The following CBR3 variants were observed in gnomAD, a reference collection of about 807,000 sequenced individuals.
CBR3 encodes carbonyl reductase [NADPH] 3.
Under a neutral mutation model 11.6 loss-of-function variants are expected in CBR3, and 14 were observed. The ratio of observed to expected loss-of-function variants is 1.20; its 90% confidence interval spans 0.79 to 1.88. The LOEUF is 1.88. Ranked by LOEUF, CBR3 falls within the 40% of genes most tolerant of loss-of-function variation. The probability of loss-of-function intolerance (pLI) is 0.00; values close to 1 mark genes in which losing one functional copy is unlikely to be tolerated. For synonymous variants in CBR3, 125 were observed against 145.6 expected (o/e 0.86, Z 1.02); for missense variants, 308 against 357.3 (o/e 0.86, Z 1.11).
chr21:36,143,506 T>C (rs2065729531), intron 2 of CBR3, among the ~76,000 whole-genome samples: 1 of 152,278 alleles, frequency 6.6e-6, no homozygotes, highest in Non-Finnish European at 1.5e-5. Context: ...ATTGTCTCTT[T>C]AGTAGCTGTG....
chr21:36,135,672 G>A (rs1189631869), intron 1 of CBR3, 191 bp downstream of exon 1: 6 of 577,522 alleles, frequency 1.0e-5, no homozygotes, highest in Non-Finnish European at 1.7e-5. Flanking sequence ...GGCGGGCCCG[G>A]GCGACAAACA....
chr21:36,137,698 G>A (rs1192417285), intron 1 of CBR3, 127 bp from the exon 2 acceptor site: 4 of 631,522 alleles, frequency 6.3e-6, no homozygotes, highest in South Asian at 3.8e-5. Context: ...CACCGACCTC[G>A]TTCTTAAAAA....
At chr21:36,145,960 C>CAAAAA (rs367940562) in intron 2 of CBR3, 116 bp from the exon 3 acceptor site, 21 of 456,030 alleles carry the variant, frequency 4.6e-5, no homozygotes, top group Middle Eastern at 5.8e-4. Flanking sequence ...GACTCTGTCT[C>CAAAAA]AAAAAAAAAA....
chr21:36,138,078 C>T, intron 2 of CBR3, 146 bp downstream of exon 2: 1 of 615,654 alleles, frequency 1.6e-6, no homozygotes, highest in Non-Finnish European at 2.9e-6. Flanking sequence ...CATTTTCCCA[C>T]AGTGTTTGGC....
chr21:36,135,156 G>T lies in CBR3; in HGVS notation c.-37G>T, dbSNP rs1163252068. Reference sequence around the variant, plus strand: ...CCCCAGGTGGTCCGAAGCCCGGTCCGCCCTCCACGCAGGTGCCCCGCGCTC... The same window carrying T: ...CCCCAGGTGGTCCGAAGCCCGGTCCTCCCTCCACGCAGGTGCCCCGCGCTC... On this transcript the variant is annotated 5_prime_UTR_variant, in exon 1 of 3. Coordinates refer to ENST00000290354, the MANE Select transcript of CBR3 (RefSeq NM_001236.4). 1.8e-5 allele frequency: 26 copies of T among 1,416,678 alleles called. No homozygotes were observed. Among genetic ancestry groups the T allele is most frequent in the Non-Finnish European group, 2.3e-5 (25 of 1,090,796 alleles). The allele number at this position is 1,416,678 out of a possible 1,614,324, so 87.8% of individuals were successfully genotyped here.
At chr21:36,138,401 T>A (rs1359806409) in intron 2 of CBR3, 1 of 154,170 alleles carries the variant, frequency 6.5e-6, no homozygotes. Context: ...CCACCCACCT[T>A]GGCCTCCCAA....
chr21:36,142,260 G>A (rs531142028), intron 2 of CBR3, among the ~76,000 whole-genome samples: 5 of 151,866 alleles, frequency 3.3e-5, no homozygotes, highest in Admixed American at 6.6e-5. Context: ...GTGAAACCCC[G>A]TCTCTACTAA....
At chr21:36,142,432 A>AAAAAAAAAAAAACAAAAAAAAAC (rs1491545464) in intron 2 of CBR3, among the ~76,000 whole-genome samples, 1 of 112,016 alleles carries the variant, frequency 8.9e-6, no homozygotes, top group African/African-American at 3.3e-5. Flanking sequence ...ACTCCATCTC[A>AAAAAAAAAAAAACAAAAAAAAAC]AAAAAAAAAA....
intron 2 of CBR3, among the ~76,000 whole-genome samples, chr21:36,142,431 C>CGAAAAAAAAAAAAAA (rs2065717742): frequency 2.5e-5 from 1 of 40,396 alleles, no homozygotes; most frequent in African/African-American, 1.1e-4. Context: ...GACTCCATCT[C>CGAAAAAAAAAAAAAA]AAAAAAAAAA....
intron 2 of CBR3, 39 bp downstream of exon 2, chr21:36,137,971 G>C: frequency 9.1e-7 from 1 of 1,104,818 alleles, no homozygotes; most frequent in Non-Finnish European, 1.4e-6. Flanking sequence ...GCATCCCTCA[G>C]TAAGAAGTGG....
chr21:36,138,358 A>G (rs1024646221), intron 2 of CBR3: 4 of 158,432 alleles, frequency 2.5e-5, no homozygotes, highest in African/African-American at 9.6e-5. Context: ...CATGTTGGCC[A>G]GGCTAGTCCT....
chr21:36,138,074 C>T, intron 2 of CBR3, 142 bp downstream of exon 2: 2 of 621,326 alleles, frequency 3.2e-6, no homozygotes. Flanking sequence ...GCTTCATTTT[C>T]CCACAGTGTT....
At chr21:36,145,972 A>T in intron 2 of CBR3, 104 bp from the exon 3 acceptor site, 1 of 803,168 alleles carries the variant, frequency 1.2e-6, no homozygotes, top group Non-Finnish European at 1.9e-6. Flanking sequence ...AAAAAAAAAA[A>T]AAAAAAAAAC....
chr21:36,136,836 C>T (rs1014198394), intron 1 of CBR3, among the ~76,000 whole-genome samples: 18 of 150,432 alleles, frequency 1.2e-4, no homozygotes, highest in African/African-American at 3.7e-4. Context: ...AAGACCAGCC[C>T]GGGAAACATG....
intron 1 of CBR3, among the ~76,000 whole-genome samples, chr21:36,135,824 G>A (rs900913645): frequency 6.6e-6 from 1 of 152,206 alleles, no homozygotes; most frequent in Non-Finnish European, 1.5e-5. Context: ...TCCTTCCAAC[G>A]CGAGAAACAT....
chr21:36,140,227 T>C (rs187479651), intron 2 of CBR3, among the ~76,000 whole-genome samples: 25 of 152,018 alleles, frequency 1.6e-4, no homozygotes, highest in Admixed American at 1.4e-3. Context: ...ATGGTGAGAG[T>C]TGCACTTGTA....
chr21:36,144,351 G>T (rs1467738169), intron 2 of CBR3, among the ~76,000 whole-genome samples: 8 of 152,202 alleles, frequency 5.3e-5, no homozygotes, highest in Admixed American at 5.2e-4. Flanking sequence ...CCAGCTACTT[G>T]GGAGGCTGAA....
chr21:36,141,834 C>G, intron 2 of CBR3: 1 of 684,864 alleles, frequency 1.5e-6, no homozygotes, highest in Non-Finnish European at 1.8e-6. Flanking sequence ...ACACCTCCTC[C>G]CCTTAAGAGG....
In CBR3 at chr21:36,135,990, G is replaced by A. The variant is rs77086852; in HGVS notation, c.289+509G>A. 8.5e-3 allele frequency among the ~76,000 whole-genome samples: 1,293 copies of A among 152,308 alleles called. 53 individuals are homozygous for A. The East Asian group carries it at 0.14, about 16-fold the overall frequency. On this transcript the variant is annotated intron_variant, in intron 1 of 2. Transcript: ENST00000290354. ...GCCCTTGGTGGACTTGACAATTTGTGTAATGCAGAGCTTTGATAGGCTCTG... is the reference window on the plus strand; with the variant it reads ...GCCCTTGGTGGACTTGACAATTTGTATAATGCAGAGCTTTGATAGGCTCTG...
Sources: gnomAD v4.1 joint callset for allele counts (sites outside exome capture counted in the v4.1 genomes callset) on GRCh38, gnomAD v4.1.1 for gene constraint, MANE v1.5 for transcripts, NCBI Gene and HGNC (gene_info 2026-07-23, HGNC 2026-07-21) for gene names.